Variants in STPG2 observed in about 807,000 individuals in gnomAD.
STPG2 encodes the protein sperm tail PG-rich repeat containing 2, also known as sperm-tail PG-rich repeat-containing protein 2.
In STPG2, 56 loss-of-function variants were observed where a neutral mutation model predicts 54.2. The ratio of observed to expected loss-of-function variants is 1.03; its 90% CI spans 0.83 to 1.29. The LOEUF (loss-of-function observed/expected upper bound fraction) is 1.29, where lower values mean the gene tolerates loss of function less well. Among genes scored for constraint, STPG2 ranks in the 50% most tolerant of loss-of-function variants. The probability of loss-of-function intolerance (pLI) is 0.00; values close to 1 mark genes in which losing one functional copy is unlikely to be tolerated. For synonymous variants in STPG2, 200 were observed against 181.8 expected (o/e 1.10, Z -0.81); for missense variants, 596 against 544.9 (o/e 1.09, Z -0.93).
At chr4:97,772,582 T>C (rs1726253292) in intron 9 of STPG2, among the ~76,000 whole-genome samples, 1 of 152,180 alleles carries the variant, frequency 6.6e-6, no homozygotes, top group South Asian at 2.1e-4. Flanking sequence ...TTTTGTAAAA[T>C]GTTTGCTGTC....
chr4:97,579,836 T>C lies in STPG2; in HGVS notation c.1321-20719A>G, dbSNP rs180845885. 5.3e-5 allele frequency among the ~76,000 whole-genome samples: 8 copies of C among 152,178 alleles called. No homozygotes were observed. In the East Asian group the frequency reaches 9.7e-4, roughly 18 times the overall value. On this transcript the variant is annotated intron_variant, in intron 10 of 10. Transcript: ENST00000295268. ...AACTGTGCAATTAAAAAACCAATTA[T>C]ATTTTACAATTGACCAAATCTTTTA...
At chr4:97,868,235 A>C (rs1160050005) in intron 8 of STPG2, among the ~76,000 whole-genome samples, 1 of 151,824 alleles carries the variant, frequency 6.6e-6, no homozygotes, top group South Asian at 2.1e-4. Context: ...TCTTCTATCT[A>C]TCTCTGCTAT....
At chr4:97,715,557 T>G (rs959150817) in intron 9 of STPG2, among the ~76,000 whole-genome samples, 6 of 152,062 alleles carry the variant, frequency 3.9e-5, no homozygotes, top group African/African-American at 1.4e-4. Context: ...TACATTAGAG[T>G]GGCCTCAGAA....
At chr4:97,763,041 A>G (rs1264716419) in intron 9 of STPG2, among the ~76,000 whole-genome samples, 3 of 152,178 alleles carry the variant, frequency 2.0e-5, no homozygotes, top group Non-Finnish European at 4.4e-5. Flanking sequence ...AATACAGTGG[A>G]TTAAAAGAAG....
intron 8 of STPG2, among the ~76,000 whole-genome samples, chr4:97,873,447 AG>A (rs1011886798): frequency 6.6e-6 from 1 of 151,506 alleles, no homozygotes; most frequent in South Asian, 2.1e-4. Flanking sequence ...AGTGTTCAAA[AG>A]TTTTAGATTA....
intron 10 of STPG2, 146 bp from the exon 11 acceptor site, chr4:97,559,263 G>A (rs774596152): frequency 2.6e-5 from 15 of 566,424 alleles, no homozygotes; most frequent in Non-Finnish European, 4.0e-5. Context: ...TACTTACATC[G>A]ATAGAGCTTG....
chr4:97,894,564 C>G (rs1267415687), intron 8 of STPG2, among the ~76,000 whole-genome samples: 2 of 151,992 alleles, frequency 1.3e-5, no homozygotes, highest in Non-Finnish European at 2.9e-5. Flanking sequence ...CTCCTCAGTT[C>G]ATTTATCTCA....
chr4:97,578,458 G>T (rs1359275340), intron 10 of STPG2, among the ~76,000 whole-genome samples: 2 of 152,096 alleles, frequency 1.3e-5, no homozygotes, highest in Non-Finnish European at 2.9e-5. Flanking sequence ...AGGGAGCAGT[G>T]TTATGGAACT....
intron 1 of STPG2, among the ~76,000 whole-genome samples, chr4:98,139,362 T>TA (rs1740217844): frequency 6.6e-6 from 1 of 152,126 alleles, no homozygotes; most frequent in Non-Finnish European, 1.5e-5. Flanking sequence ...CGGTTGGAAA[T>TA]AAAGAGTATC....
At chr4:97,453,102 G>T (rs1466329894) in intron 4 of STPG2, among the ~76,000 whole-genome samples, 2 of 152,188 alleles carry the variant, frequency 1.3e-5, no homozygotes, top group Non-Finnish European at 2.9e-5. Context: ...GCCCTTCAGG[G>T]ATCCCAGACT....
chr4:97,550,669 C>A (rs541185060), intron 4 of STPG2, among the ~76,000 whole-genome samples: 4 of 152,016 alleles, frequency 2.6e-5, no homozygotes, highest in Admixed American at 6.6e-5. Flanking sequence ...AGCTGCGGAC[C>A]CTTGTGGTGA....
intron 8 of STPG2, among the ~76,000 whole-genome samples, chr4:97,938,558 C>A (rs1732849500): frequency 6.6e-6 from 1 of 152,014 alleles, no homozygotes. Flanking sequence ...AGAATCTGAA[C>A]AGCTCTGTGG....
At chr4:97,663,199 C>T (rs1722425353) in intron 10 of STPG2, among the ~76,000 whole-genome samples, 1 of 152,084 alleles carries the variant, frequency 6.6e-6, no homozygotes, top group Non-Finnish European at 1.5e-5. Context: ...AATGCCCAAG[C>T]ATATTTAATA....
chr4:97,935,945 G>A (rs1732731722), intron 8 of STPG2, among the ~76,000 whole-genome samples: 1 of 151,994 alleles, frequency 6.6e-6, no homozygotes. Context: ...TTAATTTTCT[G>A]TCTTGATGAT....
At chr4:97,942,701 C>A (rs779029440) in intron 8 of STPG2, among the ~76,000 whole-genome samples, 3 of 152,070 alleles carry the variant, frequency 2.0e-5, no homozygotes, top group Non-Finnish European at 4.4e-5. Context: ...TAAATTAGTT[C>A]ATCATGATCT....
At chr4:97,935,236 C>T (rs1353557796) in intron 8 of STPG2, among the ~76,000 whole-genome samples, 2 of 151,968 alleles carry the variant, frequency 1.3e-5, no homozygotes, top group African/African-American at 2.4e-5. Flanking sequence ...CCACTTGATT[C>T]TTCTCTTTTT....
intron 10 of STPG2, among the ~76,000 whole-genome samples, chr4:97,680,694 T>A (rs1336288618): frequency 1.3e-5 from 2 of 151,994 alleles, no homozygotes; most frequent in African/African-American, 4.8e-5. Flanking sequence ...GTGAGGAATC[T>A]GGAGCTCAGT....
At chr4:97,743,902 AAG>A (rs1486862709) in intron 9 of STPG2, among the ~76,000 whole-genome samples, 2 of 151,594 alleles carry the variant, frequency 1.3e-5, no homozygotes, top group Non-Finnish European at 3.0e-5. Context: ...AGGTGAAAGA[AAG>A]AGCATAAGCG....
downstream of STPG2, among the ~76,000 whole-genome samples, chr4:97,556,934 A>G (rs541741558): frequency 6.6e-6 from 1 of 152,360 alleles, no homozygotes; most frequent in Non-Finnish European, 1.5e-5. Context: ...CTGTAATCCC[A>G]GCACTTTGGG....
Sources: gnomAD v4.1 joint callset for allele counts (sites outside exome capture counted in the v4.1 genomes callset) on GRCh38, gnomAD v4.1.1 for gene constraint, MANE v1.5 for transcripts, NCBI Gene and HGNC (gene_info 2026-07-23, HGNC 2026-07-21) for gene names.